The following CSMD3 variants were observed in gnomAD, a reference collection of about 807,000 sequenced individuals.
CSMD3 encodes the protein CUB and sushi domain-containing protein 3.
In CSMD3, 177 loss-of-function variants were observed where a neutral mutation model predicts 435.2. The ratio of observed to expected loss-of-function variants is 0.41; its 90% CI spans 0.36 to 0.46. The LOEUF is 0.46. Among genes scored for constraint, CSMD3 ranks in the 20% least tolerant of loss-of-function variants. The pLI, the probability that CSMD3 is intolerant of heterozygous loss-of-function variation, is 0.34. For missense variants in CSMD3, 4,265 were observed against 4,504.6 expected (o/e 0.95, Z 1.52); for synonymous variants, 1,656 against 1,520.5 (o/e 1.09, Z -2.07).
At chr8:112,319,288 G>A (rs1007655132) in intron 46 of CSMD3, among the ~76,000 whole-genome samples, 4 of 151,954 alleles carry the variant, frequency 2.6e-5, no homozygotes, top group African/African-American at 9.7e-5. Flanking sequence ...TCTATTTATT[G>A]AAGTTACATC....
At position 112,666,317 on chromosome 8, in the gene CSMD3, C is replaced by G. The variant is rs763942016; in HGVS notation, c.2776G>C (p.Glu926Gln). ...KDSLNCEWVI[E>Q]AEPGHSIKIT... is the part of the protein sequence containing the mutation. ...TTGATAGAGTGTCCAGGTTCAGCTTCAATCACCCACTCACAATTCAAAGAG... is the reference window on the plus strand; with the variant it reads ...TTGATAGAGTGTCCAGGTTCAGCTTGAATCACCCACTCACAATTCAAAGAG... Residue 926 changes from glutamate (E) to glutamine (Q), a missense_variant, in exon 17 of 71, where the codon GAA becomes CAA. By Grantham distance (29) the Glu-to-Gln change is conservative. Transcript: ENST00000297405. The G allele has an allele frequency of 6.2e-7, 1 of 1,612,480 alleles. No homozygotes were observed. The highest frequency in any genetic ancestry group is 1.1e-5 in the South Asian group (1 of 90,972).
intron 25 of CSMD3, among the ~76,000 whole-genome samples, chr8:112,556,424 A>C (rs1828124116): frequency 6.6e-6 from 1 of 152,036 alleles, no homozygotes; most frequent in Non-Finnish European, 1.5e-5. Context: ...AATTAAAAAA[A>C]TCTGGCCAAT....
chr8:113,129,494 A>T (rs1457813433), intron 4 of CSMD3, among the ~76,000 whole-genome samples: 2 of 152,182 alleles, frequency 1.3e-5, no homozygotes, highest in African/African-American at 4.8e-5. Flanking sequence ...TAACATGGGC[A>T]ACCAGATGGA....
intron 3 of CSMD3, among the ~76,000 whole-genome samples, chr8:113,231,441 A>G (rs1588325818): frequency 6.6e-6 from 1 of 151,426 alleles, no homozygotes; most frequent in East Asian, 1.9e-4. Flanking sequence ...GGGCTCACTA[A>G]TACTGTTGCA....
intron 12 of CSMD3, among the ~76,000 whole-genome samples, chr8:112,819,026 T>C (rs2079455848): frequency 6.6e-6 from 1 of 152,198 alleles, no homozygotes; most frequent in Non-Finnish European, 1.5e-5. Context: ...AGCACTGTTC[T>C]AGAACACACA....
chr8:112,857,211 C>T (rs2080686437), intron 11 of CSMD3, among the ~76,000 whole-genome samples: 1 of 151,398 alleles, frequency 6.6e-6, no homozygotes, highest in African/African-American at 2.4e-5. Context: ...AAAAGTTAAC[C>T]TAACAGATCA....
At chr8:112,594,646 C>T (rs1455802378) in intron 22 of CSMD3, among the ~76,000 whole-genome samples, 13 of 152,290 alleles carry the variant, frequency 8.5e-5, no homozygotes, top group Non-Finnish European at 2.9e-5. Context: ...AGTGGTTCTC[C>T]CAGCACGCAG....
At chr8:113,368,751 T>A (rs2094329171) in intron 1 of CSMD3, among the ~76,000 whole-genome samples, 1 of 152,102 alleles carries the variant, frequency 6.6e-6, no homozygotes, top group Non-Finnish European at 1.5e-5. Context: ...TCCTAACAAC[T>A]GAATAATATT....
intron 7 of CSMD3, among the ~76,000 whole-genome samples, chr8:112,974,712 A>C (rs988757558): frequency 7.2e-5 from 11 of 151,860 alleles, no homozygotes; most frequent in African/African-American, 2.7e-4. Context: ...AAGAGAATCA[A>C]AGTAAGTATT....
chr8:112,429,197 C>A (rs533631718), intron 32 of CSMD3, among the ~76,000 whole-genome samples: 1 of 152,024 alleles, frequency 6.6e-6, no homozygotes, highest in Admixed American at 6.6e-5. Flanking sequence ...CACCTTCCCA[C>A]CCCACTAAAT....
At chr8:112,906,341 C>T (rs1030112499) in intron 10 of CSMD3, among the ~76,000 whole-genome samples, 2 of 151,266 alleles carry the variant, frequency 1.3e-5, no homozygotes, top group African/African-American at 4.8e-5. Context: ...CCCCATCAGG[C>T]AGTGCATCAA....
chr8:112,515,759 C>T (rs1823605405), intron 28 of CSMD3, among the ~76,000 whole-genome samples: 1 of 152,040 alleles, frequency 6.6e-6, no homozygotes. Context: ...TGTCCGTCTA[C>T]TGCCTGGCTG....
intron 11 of CSMD3, among the ~76,000 whole-genome samples, chr8:112,844,590 G>A (rs1343780560): frequency 6.6e-6 from 1 of 151,946 alleles, no homozygotes; most frequent in Non-Finnish European, 1.5e-5. Context: ...TCCTAGAAGG[G>A]TTAGACACCA....
intron 3 of CSMD3, among the ~76,000 whole-genome samples, chr8:113,213,003 C>G (rs1350174026): frequency 6.6e-6 from 1 of 151,308 alleles, no homozygotes; most frequent in Non-Finnish European, 1.5e-5. Flanking sequence ...ACCATTACCC[C>G]ATGGAACCAG....
At chr8:112,977,243 T>G (rs2084887690) in intron 6 of CSMD3, among the ~76,000 whole-genome samples, 1 of 152,172 alleles carries the variant, frequency 6.6e-6, no homozygotes, top group Admixed American at 6.6e-5. Context: ...AATTTGGAGC[T>G]GCAGCTACTC....
rs139678635 is a variant in CSMD3 at position 113,356,583 on chromosome 8, T to A, written c.179-41790A>T. On this transcript the variant is annotated intron_variant, in intron 1 of 70. Coordinates refer to ENST00000297405, the MANE Select transcript of CSMD3 (RefSeq NM_198123.2). ...AAATGTATTGAATGAATAAAATAAA[T>A]GAAATTTACTTGAACTGATGAACAA... Among the ~76,000 whole-genome samples the A allele has an allele frequency of 1.2e-4, 18 of 152,272 alleles. 1 individual carries two copies. The East Asian group carries it at 3.3e-3, about 28-fold the overall frequency.
intron 3 of CSMD3, among the ~76,000 whole-genome samples, chr8:113,261,635 T>C (rs908592666): frequency 6.6e-6 from 1 of 152,074 alleles, no homozygotes; most frequent in Non-Finnish European, 1.5e-5. Context: ...ATTGGCAACA[T>C]TGTGATTTCT....
Position 112,685,562 on chromosome 8 carries a change from C to T in CSMD3, c.2326G>A (p.Ala776Thr), listed in dbSNP as rs761698702. 3 of 1,613,938 alleles carry T rather than the reference C, an allele frequency of 1.9e-6. No homozygotes were observed. The highest frequency in any genetic ancestry group is 2.5e-6 in the Non-Finnish European group (3 of 1,179,950). The change falls in exon 15 of 71, where the codon GCT (alanine) becomes ACT (threonine). Residue 776 changes from alanine to threonine, a missense_variant. Ala to Thr is a moderately conservative substitution (Grantham distance 58, BLOSUM62 0). This residue lies in a region of CSMD3 where 279 missense variants were observed against 369.0 expected (regional missense o/e 0.76). Transcript: ENST00000297405. The part of the protein sequence containing the change: ...FDLESQFDFL[A>T]VKDGDSPESP... ...TCTGGAGAGTCACCATCTTTAACAG[C>T]AAGGAAATCAAACTGGGATTCCAGG...
At chr8:112,707,019 A>G (rs2076513276) in intron 13 of CSMD3, among the ~76,000 whole-genome samples, 1 of 152,104 alleles carries the variant, frequency 6.6e-6, no homozygotes, top group South Asian at 2.1e-4. Context: ...ATTTTTGTCT[A>G]AATCCTGTAG....
Sources: gnomAD v4.1 joint callset for allele counts (sites outside exome capture counted in the v4.1 genomes callset) on GRCh38, gnomAD v4.1.1 for gene constraint, gnomAD v4.1.1 regional missense constraint, MANE v1.5 for transcripts, NCBI Gene and HGNC (gene_info 2026-07-23, HGNC 2026-07-21) for gene names.